Variants in TRMT44 observed in about 807,000 individuals in gnomAD.
The protein encoded by TRMT44 is tRNA methyltransferase 44 homolog, also known as probable tRNA (uracil-O(2)-)-methyltransferase.
TRMT44 carries 78 observed loss-of-function variants against 77.3 expected under a neutral mutation model. The observed-to-expected ratio is 1.01, with a 90% CI of 0.84 to 1.22. The LOEUF (loss-of-function observed/expected upper bound fraction) is 1.22. Among genes scored for constraint, TRMT44 ranks in the 50% most tolerant of loss-of-function variants. The pLI is 0.00. For synonymous variants in TRMT44, 391 were observed against 383.3 expected (o/e 1.02, Z -0.23); for missense variants, 1,090 against 964.4 (o/e 1.13, Z -1.73).
At chr4:8,490,583 C>T (rs1238697863) in intron 2 of TRMT44, among the ~76,000 whole-genome samples, 1 of 151,438 alleles carries the variant, frequency 6.6e-6, no homozygotes, top group Non-Finnish European at 1.5e-5. Flanking sequence ...TGGAGTTGTT[C>T]ATTCCTCCCC....
At chr4:8,487,358 A>G (rs988748581) in intron 2 of TRMT44, among the ~76,000 whole-genome samples, 2 of 151,976 alleles carry the variant, frequency 1.3e-5, no homozygotes, top group African/African-American at 4.8e-5. Context: ...AAGAGAGAGT[A>G]GAGACAAGGA....
chr4:8,515,951 CCT>C, the TRMT44 span, among the ~76,000 whole-genome samples: 3 of 152,150 alleles, frequency 2.0e-5, no homozygotes, highest in South Asian at 6.2e-4. Context: ...GCTTTCCACG[CCT>C]CTCTGTGACA....
At chr4:8,467,554 C>A (rs1726671341) in intron 8 of TRMT44, among the ~76,000 whole-genome samples, 1 of 152,176 alleles carries the variant, frequency 6.6e-6, no homozygotes, top group Non-Finnish European at 1.5e-5. Flanking sequence ...ACAATCTTGG[C>A]TCACTGGCCT....
intron 2 of TRMT44, among the ~76,000 whole-genome samples, chr4:8,490,143 G>A (rs924203975): frequency 2.0e-5 from 3 of 152,120 alleles, no homozygotes; most frequent in African/African-American, 7.2e-5. Context: ...CCAATCAGCA[G>A]CAGGCACCCG....
chr4:8,449,753 G>A lies in TRMT44; in HGVS notation c.819G>A (p.Glu273=). The A allele has an allele frequency of 2.0e-6, 3 of 1,536,090 alleles. No homozygotes were observed. Among genetic ancestry groups the A allele is most frequent in the Non-Finnish European group, 2.6e-6 (3 of 1,146,912 alleles). Residue 273 remains glutamate, a synonymous_variant, in exon 3 of 11, where the codon GAG becomes GAA. Transcript: ENST00000389737. ...CCAAACCCACGTGGCTTGGAGAAGA[G>A]TTGCTGGCCAAGTTGGCCAAGTGGT... ...VYPKPTWLGE[E]LLAKLAKWSV...
the TRMT44 span, among the ~76,000 whole-genome samples, chr4:8,504,115 C>T: frequency 4.0e-5 from 6 of 151,120 alleles, no homozygotes; most frequent in Non-Finnish European, 7.4e-5. The surrounding 1 kb of genome is among the most constrained non-coding windows in gnomAD (Gnocchi z 5.3). Context: ...CTGGGAGGGT[C>T]TCAGGGCGGG....
downstream of TRMT44, chr4:8,477,681 T>G (rs1365615973): frequency 1.3e-5 from 2 of 152,700 alleles, no homozygotes; most frequent in African/African-American, 4.8e-5. Flanking sequence ...GTGAGGCATC[T>G]TCCTGCCAGG....
chr4:8,502,528 T>G, the TRMT44 span, among the ~76,000 whole-genome samples: 79,655 of 152,120 alleles, frequency 0.52, 21,250 homozygotes, highest in African/African-American at 0.6. Context: ...AGCCAGGGCG[T>G]TGGTCTCAGC....
chr4:8,498,248 G>A (rs1728206866), downstream of TRMT44, among the ~76,000 whole-genome samples: 1 of 152,100 alleles, frequency 6.6e-6, no homozygotes. The surrounding 1 kb of genome is among the most constrained non-coding windows in gnomAD (Gnocchi z 4.3). Flanking sequence ...TGCACTGCAG[G>A]GTCTGGCAGT....
rs1218456947 is a variant in TRMT44, at chr4:8,441,051, G to A, written c.229G>A (p.Gly77Ser). ...GGAGCGGGGTCCGGGACCCGGCCAG[G>A]GTTCCCCCGGAGGGGGCCCGGGTCC... ...QKERGPGPGQ[G>S]SPGGGPGPRS... The change falls in exon 1 of 11, where the codon GGT (glycine) becomes AGT (serine). Residue 77 changes from glycine (G) to serine (S), a missense_variant. Gly to Ser is a moderately conservative substitution (Grantham distance 56). Transcript: ENST00000389737. 3.4e-6 allele frequency: 5 copies of A among 1,487,500 alleles called. No individual in the cohort carries two copies. Among genetic ancestry groups the A allele is most frequent in the Non-Finnish European group, 4.4e-6 (5 of 1,125,488 alleles). 92.1% of individuals were successfully genotyped at this position (1,487,500 alleles called of 1,614,324 possible).
the TRMT44 span, among the ~76,000 whole-genome samples, chr4:8,516,693 G>A: frequency 6.6e-6 from 1 of 152,164 alleles, no homozygotes; most frequent in South Asian, 2.1e-4. Context: ...AGGCAGAAGA[G>A]TCTGAGTCCA....
At chr4:8,494,875 C>A (rs1196926302), downstream of TRMT44, among the ~76,000 whole-genome samples, 1 of 152,116 alleles carries the variant, frequency 6.6e-6, no homozygotes, top group Non-Finnish European at 1.5e-5. Context: ...ATGCAGTTCC[C>A]AGCTTGACTC....
At chr4:8,504,106 T>C in the TRMT44 span, among the ~76,000 whole-genome samples, 1 of 151,674 alleles carries the variant, frequency 6.6e-6, no homozygotes, top group African/African-American at 2.4e-5. This position sits in a 1 kb window ranked among gnomAD's most constrained non-coding sequence, Gnocchi z 5.3. Context: ...TGGTGGCTGC[T>C]GGGAGGGTCT....
intron 6 of TRMT44, among the ~76,000 whole-genome samples, chr4:8,458,194 A>G (rs1326611231): frequency 1.3e-5 from 2 of 152,238 alleles, no homozygotes; most frequent in African/African-American, 4.8e-5. Flanking sequence ...TGGCACTGAT[A>G]GAAACGTTTT....
intron 5 of TRMT44, 53 bp from the exon 6 acceptor site, chr4:8,454,689 C>T: frequency 6.4e-7 from 1 of 1,559,360 alleles, no homozygotes; most frequent in Non-Finnish European, 8.8e-7. Context: ...TTCTTGCTAA[C>T]TTATTATGAA....
chr4:8,450,644 A>C (rs750138251), intron 3 of TRMT44, among the ~76,000 whole-genome samples: 4 of 152,182 alleles, frequency 2.6e-5, no homozygotes, highest in Admixed American at 6.5e-5. Flanking sequence ...GGGACCCCGA[A>C]TTGGGGGCGG....
At chr4:8,471,268 T>C in intron 10 of TRMT44, 68 bp downstream of exon 10, 1 of 1,160,608 alleles carries the variant, frequency 8.6e-7, no homozygotes, top group East Asian at 2.4e-5. Context: ...TAAATAATGT[T>C]TTATTTTAGA....
intron 6 of TRMT44, among the ~76,000 whole-genome samples, chr4:8,459,305 A>G (rs2109130576): frequency 6.6e-6 from 1 of 152,350 alleles, no homozygotes; most frequent in African/African-American, 2.4e-5. Context: ...ACTGACAGTC[A>G]TCCAGTGCTG....
At chr4:8,493,872 A>G (rs1405664059), downstream of TRMT44, among the ~76,000 whole-genome samples, 1 of 151,134 alleles carries the variant, frequency 6.6e-6, no homozygotes, top group Non-Finnish European at 1.5e-5. Flanking sequence ...TTCCACCTTC[A>G]TGGTCCTTAG....
Sources: gnomAD v4.1 joint callset for allele counts (sites outside exome capture counted in the v4.1 genomes callset) on GRCh38, gnomAD v4.1.1 for gene constraint, Gnocchi (gnomAD v3.1) non-coding constraint, MANE v1.5 for transcripts, NCBI Gene and HGNC (gene_info 2026-07-23, HGNC 2026-07-21) for gene names.